The following DET1 variants were observed in gnomAD, a reference collection of about 807,000 sequenced individuals.
DET1 encodes the protein DET1 partner of COP1 E3 ubiquitin ligase, also known as DET1 homolog.
Under a neutral mutation model 43.7 loss-of-function variants are expected in DET1, and 22 were observed. That is an observed-to-expected ratio of 0.50 (90% CI 0.36 to 0.72). The LOEUF is 0.72. Among genes scored for constraint, DET1 ranks in the 30% least tolerant of loss-of-function variants. The pLI, the probability that DET1 is intolerant of heterozygous loss-of-function variation, is 0.00. For synonymous variants in DET1, 315 were observed against 266.2 expected, an observed-to-expected ratio of 1.18 and a Z score of -1.79; for missense variants, 713 against 713.3, an observed-to-expected ratio of 1.00 and a Z score of 0.00.
In DET1 at chr15:88,531,328, G is replaced by A; in HGVS notation, c.378C>T (p.Val126=). 6.2e-7 allele frequency: 1 copy of A among 1,613,956 alleles called. No homozygotes were observed. Among genetic ancestry groups the A allele is most frequent in the African/African-American group, 1.3e-5 (1 of 75,036 alleles). The change falls in exon 2 of 5, where the codon GTC becomes GTT. Residue 126 remains valine, a synonymous_variant. Coordinates refer to ENST00000268148, the MANE Select transcript of DET1 (RefSeq NM_001144074.3). This position sits in a 1 kb window ranked among gnomAD's most constrained non-coding sequence, Gnocchi z 6.2. ...CCGCAACATTGGTAATGTGCAGCAGGACAAAAAAGCGTTCAAAGAGCCGGC... is the reference window on the plus strand; with the variant it reads ...CCGCAACATTGGTAATGTGCAGCAGAACAAAAAAGCGTTCAAAGAGCCGGC... ...IRGRLFERFF[V]LLHITNVAAN...
In DET1 at chr15:88,512,924, C is replaced by A; in HGVS notation, c.*27G>T. ...AAGTGAGTGGCAAAGTCTTGGAAGA[C>A]CAGATAATCTGGCTCTGGTGAGGCA... On this transcript the variant is annotated 3_prime_UTR_variant, in exon 5 of 5. Transcript: ENST00000268148. 6.2e-7 allele frequency: 1 copy of A among 1,608,432 alleles called. No individual in the cohort carries two copies. The highest frequency in any genetic ancestry group is 8.5e-7 in the Non-Finnish European group (1 of 1,175,562).
chr15:88,528,985 A>G (rs2056741796), intron 2 of DET1, among the ~76,000 whole-genome samples: 2 of 152,234 alleles, frequency 1.3e-5, no homozygotes, highest in African/African-American at 2.4e-5. Flanking sequence ...AACCTATCAA[A>G]TTAAACTGGA....
chr15:88,511,606 G>C (rs1027260064), downstream of DET1: 2 of 985,058 alleles, frequency 2.0e-6, no homozygotes, highest in African/African-American at 1.7e-5. Context: ...CACAATGAGA[G>C]CTGTTATTGT....
intron 1 of DET1, among the ~76,000 whole-genome samples, chr15:88,545,121 C>G (rs958535535): frequency 6.6e-6 from 1 of 152,122 alleles, no homozygotes; most frequent in Non-Finnish European, 1.5e-5. Context: ...TCTGGGGGAT[C>G]AACCAGATCT....
intron 3 of DET1, among the ~76,000 whole-genome samples, chr15:88,521,774 G>GT (rs2056496051): frequency 6.6e-6 from 1 of 151,918 alleles, no homozygotes; most frequent in African/African-American, 2.4e-5. Flanking sequence ...ATGACTTATT[G>GT]TTTTTACATG....
chr15:88,531,402 C>T lies in DET1; in HGVS notation c.304G>A (p.Gly102Arg). The stretch of plus-strand genomic sequence containing the variant: ...TCATTGCCATTGGACAGGATTTCTC[C>T]TTCGTATCCCTGCAGTAGGTCCTCT... The part of the protein sequence containing the change: ...AAEDLLQGYE[G>R]EILSNGNDQR... Residue 102 changes from glycine to arginine, a missense_variant, in exon 2 of 5, where the codon GGA becomes AGA. Gly to Arg is a moderately radical substitution (Grantham distance 125). Transcript: ENST00000268148. This position sits in a 1 kb window ranked among gnomAD's most constrained non-coding sequence, Gnocchi z 6.2. The T allele has an allele frequency of 1.2e-6, 2 of 1,614,056 alleles. No individual in the cohort carries two copies. Among genetic ancestry groups the T allele is most frequent in the Non-Finnish European group, 1.7e-6 (2 of 1,179,908 alleles).
At chr15:88,544,289 C>A (rs1040074707) in intron 1 of DET1, among the ~76,000 whole-genome samples, 2 of 152,174 alleles carry the variant, frequency 1.3e-5, no homozygotes, top group East Asian at 3.8e-4. Context: ...ATTTTAAAAA[C>A]CGGTAAAAAT....
chr15:88,534,821 AC>A (rs1462525470), intron 1 of DET1, among the ~76,000 whole-genome samples: 1 of 152,234 alleles, frequency 6.6e-6, no homozygotes, highest in East Asian at 1.9e-4. Context: ...TAGATTGCCT[AC>A]CAAGCCAAAA....
chr15:88,527,851 C>A, intron 2 of DET1, 65 bp from the exon 3 acceptor site: 4 of 1,255,606 alleles, frequency 3.2e-6, no homozygotes, highest in Non-Finnish European at 4.1e-6. Flanking sequence ...GGAAACTTAG[C>A]ACTTATTACT....
At chr15:88,522,540 C>T (rs2056525851) in intron 3 of DET1, among the ~76,000 whole-genome samples, 1 of 20,390 alleles carries the variant, frequency 4.9e-5, no homozygotes. Context: ...GTTGGAGTCT[C>T]GTTCTGTACC....
chr15:88,543,282 G>A (rs929223172), intron 1 of DET1, among the ~76,000 whole-genome samples: 3 of 152,342 alleles, frequency 2.0e-5, no homozygotes, highest in South Asian at 2.1e-4. Flanking sequence ...GCTAGAGCAA[G>A]CCTAGTCCAA....
At chr15:88,525,593 C>A (rs937922289) in intron 3 of DET1, among the ~76,000 whole-genome samples, 1 of 152,184 alleles carries the variant, frequency 6.6e-6, no homozygotes, top group Non-Finnish European at 1.5e-5. Context: ...GACAAAATCC[C>A]TGCCCTCATG....
chr15:88,535,512 T>C (rs957273741), intron 1 of DET1, among the ~76,000 whole-genome samples: 1 of 151,816 alleles, frequency 6.6e-6, no homozygotes, highest in Non-Finnish European at 1.5e-5. Context: ...TCCCAGAACT[T>C]TGGGAGGCTG....
intron 3 of DET1, among the ~76,000 whole-genome samples, chr15:88,526,025 AT>A (rs937823705): frequency 5.9e-5 from 9 of 152,074 alleles, no homozygotes; most frequent in African/African-American, 2.2e-4. Context: ...TTAAAAGAAA[AT>A]TCATCCCAAA....
At chr15:88,535,150 TAACC>T (rs2142321077) in intron 1 of DET1, among the ~76,000 whole-genome samples, 1 of 152,210 alleles carries the variant, frequency 6.6e-6, no homozygotes, top group Non-Finnish European at 1.5e-5. Flanking sequence ...GAAAAAGCAA[TAACC>T]AGCATACAAA....
At chr15:88,527,864 G>A (rs2056707132) in intron 2 of DET1, 78 bp from the exon 3 acceptor site, 2 of 1,170,372 alleles carry the variant, frequency 1.7e-6, no homozygotes, top group Non-Finnish European at 2.2e-6. Flanking sequence ...TTATTACTTG[G>A]CTGAAAATTC....
downstream of DET1, among the ~76,000 whole-genome samples, chr15:88,511,791 A>G (rs947938643): frequency 6.6e-6 from 1 of 152,198 alleles, no homozygotes; most frequent in Non-Finnish European, 1.5e-5. Flanking sequence ...GGGACTCAGG[A>G]TTTCATATCA....
chr15:88,537,397 C>A (rs2056981095), intron 1 of DET1, among the ~76,000 whole-genome samples: 1 of 152,188 alleles, frequency 6.6e-6, no homozygotes, highest in Admixed American at 6.5e-5. Context: ...GTCGCCCAGG[C>A]TGGAGTACAG....
rs184689884 is a variant in DET1, at chr15:88,513,173, G to A, written c.1464-33C>T. The A allele has an allele frequency of 5.7e-5, 90 of 1,571,622 alleles. 2 individuals are homozygous for A. In the East Asian group the frequency reaches 2.0e-3, roughly 36 times the overall value. ...GAACAAGGACAGAGACAGAGAAAGA[G>A]GGGACAGGATTGATATTCACCATCG... On this transcript the variant is annotated intron_variant, in intron 4 of 4. Transcript: ENST00000268148.
Sources: allele counts gnomAD v4.1 joint callset (sites outside exome capture counted in the v4.1 genomes callset), GRCh38; gene constraint gnomAD v4.1.1; non-coding constraint Gnocchi (gnomAD v3.1); transcripts MANE v1.5; gene names NCBI Gene and HGNC (gene_info 2026-07-23, HGNC 2026-07-21).